EML4: variants seen among roughly 807,000 people sequenced by gnomAD.
The protein encoded by EML4 is echinoderm microtubule-associated protein-like 4.
In EML4, 72 loss-of-function variants were observed where a neutral mutation model predicts 129.0. That is an observed-to-expected ratio of 0.56 (90% confidence interval 0.46 to 0.68). The LOEUF (loss-of-function observed/expected upper bound fraction) is 0.68. EML4 is among the 30% of genes least tolerant of loss of function. EML4 has a pLI of 0.00. For synonymous variants in EML4, 532 were observed against 405.0 expected, an observed-to-expected ratio of 1.31 and a Z score of -3.77; for missense variants, 1,363 against 1,190.6, an observed-to-expected ratio of 1.14 and a Z score of -2.13.
At chr2:42,310,100 A>G (rs1174594634) in intron 17 of EML4, among the ~76,000 whole-genome samples, 3 of 152,166 alleles carry the variant, frequency 2.0e-5, no homozygotes, top group Non-Finnish European at 2.9e-5. Context: ...CTCTTTCTCC[A>G]TTGAATAGTA....
intron 11 of EML4, chr2:42,289,325 C>T (rs530781131): frequency 1.1e-4 from 17 of 152,150 alleles, no homozygotes; most frequent in Non-Finnish European, 2.4e-4. Flanking sequence ...CTGGCGATTT[C>T]TCGATCTCCT....
intron 1 of EML4, among the ~76,000 whole-genome samples, chr2:42,177,395 C>T (rs1250335698): frequency 2.0e-5 from 3 of 151,818 alleles, no homozygotes; most frequent in South Asian, 2.1e-4. Flanking sequence ...CTGAGGCGGG[C>T]GGCTCACTTG....
chr2:42,262,235 C>A (rs1453978583), intron 4 of EML4, among the ~76,000 whole-genome samples: 1 of 152,116 alleles, frequency 6.6e-6, no homozygotes, highest in Non-Finnish European at 1.5e-5. Context: ...AACCAAAATA[C>A]CCTTCACTTG....
intron 1 of EML4, among the ~76,000 whole-genome samples, chr2:42,188,069 T>A (rs923381925): frequency 7.9e-5 from 12 of 152,198 alleles, no homozygotes; most frequent in African/African-American, 2.9e-4. Flanking sequence ...CCAGCACAAT[T>A]GAACTAATCG....
Position 42,245,511 on chromosome 2 carries a change from G to C in EML4, c.32G>C (p.Ser11Thr), listed in dbSNP as rs1335891139. The change falls in exon 2 of 23, where the codon AGT becomes ACT. Residue 11 changes from serine (S) to threonine (T), a missense_variant. Ser to Thr is a moderately conservative substitution (Grantham distance 58). Coordinates refer to ENST00000318522, the MANE Select transcript of EML4 (RefSeq NM_019063.5). ...ATTTTATTTTATTTTATAGATGATA[G>C]TATTTCTGCTGCAAGTACTTCTGAT... is the stretch of plus-strand genomic sequence containing the variant. The part of the protein sequence containing the change: MDGFAGSLDD[S>T]ISAASTSDVQ... 1.2e-6 allele frequency: 2 copies of C among 1,608,376 alleles called. No homozygotes were observed. Among genetic ancestry groups the C allele is most frequent in the Non-Finnish European group, 8.5e-7 (1 of 1,176,258 alleles).
At position 42,303,245 on chromosome 2, in the gene EML4, T is replaced by C. The variant is rs542026200; in HGVS notation, c.1767+16T>C. The C allele has an allele frequency of 8.7e-6, 14 of 1,614,114 alleles. No individual in the cohort carries two copies. Among genetic ancestry groups the C allele is most frequent in the African/African-American group, 6.7e-5 (5 of 75,040 alleles). ...AGAAGTACAGGTAAGCTGTGTGATA[T>C]TAACCGTTAACTGAATATTTTTTAT... On this transcript the variant is annotated intron_variant, in intron 15 of 22. Transcript: ENST00000318522.
rs576312243 is a variant in EML4 at position 42,240,613 on chromosome 2, T to C, written c.26-4892T>C. Among the ~76,000 whole-genome samples, 23 of 152,340 alleles carry C rather than the reference T, an allele frequency of 1.5e-4. No homozygotes were observed. In the South Asian group the frequency reaches 4.6e-3, roughly 30 times the overall value. On this transcript the variant is annotated intron_variant, in intron 1 of 22. Transcript: ENST00000318522. The stretch of plus-strand genomic sequence containing the variant: ...TTTTAAATTATTCCATGATATTCTA[T>C]GGTATGGACATATTACAGCTTATTT...
intron 1 of EML4, among the ~76,000 whole-genome samples, chr2:42,215,741 G>A (rs530704891): frequency 2.0e-5 from 3 of 152,148 alleles, no homozygotes; most frequent in East Asian, 1.9e-4. Flanking sequence ...CTTAAAGGAC[G>A]GTTAGAAAAT....
intron 1 of EML4, among the ~76,000 whole-genome samples, chr2:42,181,050 G>C (rs540981528): frequency 6.6e-6 from 1 of 152,114 alleles, no homozygotes; most frequent in South Asian, 2.1e-4. Flanking sequence ...CTATTAGGTG[G>C]CACACAATTT....
At chr2:42,204,917 A>G (rs532394877) in intron 1 of EML4, among the ~76,000 whole-genome samples, 27 of 152,222 alleles carry the variant, frequency 1.8e-4, no homozygotes, top group Non-Finnish European at 3.4e-4. Flanking sequence ...CATGAATGCT[A>G]AGATTATGGG....
At chr2:42,278,523 G>A (rs1414531982) in intron 6 of EML4, among the ~76,000 whole-genome samples, 2 of 129,346 alleles carry the variant, frequency 1.5e-5, no homozygotes, top group Non-Finnish European at 3.1e-5. Flanking sequence ...GCGGTGAGCC[G>A]AGCTCATGCG....
intron 6 of EML4, among the ~76,000 whole-genome samples, chr2:42,271,192 C>G (rs75629743): frequency 0.047 from 7,119 of 152,296 alleles, 220 homozygotes; most frequent in South Asian, 0.14. Flanking sequence ...CTGTGCCTGG[C>G]TAGTTCTAAA....
intron 1 of EML4, among the ~76,000 whole-genome samples, chr2:42,229,529 A>G (rs2104181281): frequency 6.6e-6 from 1 of 152,296 alleles, no homozygotes; most frequent in South Asian, 2.1e-4. Context: ...CAAGACAGAT[A>G]ACTGTCTTGC....
intron 1 of EML4, among the ~76,000 whole-genome samples, chr2:42,232,059 T>A: frequency 6.6e-6 from 1 of 152,164 alleles, no homozygotes; most frequent in East Asian, 1.9e-4. Flanking sequence ...AGTACTCAAA[T>A]ATCTGGATGA....
chr2:42,327,970 C>G (rs1288309545), intron 21 of EML4, among the ~76,000 whole-genome samples: 1 of 152,120 alleles, frequency 6.6e-6, no homozygotes, highest in Admixed American at 6.6e-5. Context: ...CAAGTGCTAT[C>G]AAGACAGAGA....
At chr2:42,291,837 C>T (rs576026062) in intron 11 of EML4, among the ~76,000 whole-genome samples, 5 of 152,230 alleles carry the variant, frequency 3.3e-5, no homozygotes, top group South Asian at 2.1e-4. Flanking sequence ...AAAAGACTTC[C>T]GGCACTACAT....
At position 42,330,466 on chromosome 2, in the gene EML4, G is replaced by A. The variant is rs959347598; in HGVS notation, c.*259G>A. The A allele has an allele frequency of 1.4e-5, 8 of 556,192 alleles. No homozygotes were observed. Among genetic ancestry groups the A allele is most frequent in the African/African-American group, 1.3e-4 (7 of 53,386 alleles). 34.5% of individuals were successfully genotyped at this position (556,192 alleles called of 1,614,324 possible). A position where few individuals can be genotyped will look rare whatever the true frequency, so the allele number is the denominator to read the frequency against. On this transcript the variant is annotated 3_prime_UTR_variant, in exon 23 of 23. Transcript: ENST00000318522. ...TTAATGATGTCTCACAAATTACTGT[G>A]TACCTAAGTGGTGTGATGTAAATAC... is the stretch of plus-strand genomic sequence containing the variant.
intron 2 of EML4, among the ~76,000 whole-genome samples, chr2:42,249,539 G>A (rs912296116): frequency 5.3e-5 from 8 of 152,160 alleles, no homozygotes; most frequent in African/African-American, 1.9e-4. Flanking sequence ...GGTGATATGG[G>A]AAGGACATAA....
chr2:42,207,285 C>T (rs1218236139), intron 1 of EML4, among the ~76,000 whole-genome samples: 1 of 152,038 alleles, frequency 6.6e-6, no homozygotes, highest in African/African-American at 2.4e-5. Flanking sequence ...TATACACATA[C>T]AACCTCCAAA....
Sources: gnomAD v4.1 joint callset for allele counts (sites outside exome capture counted in the v4.1 genomes callset) on GRCh38, gnomAD v4.1.1 for gene constraint, MANE v1.5 for transcripts, NCBI Gene and HGNC (gene_info 2026-07-23, HGNC 2026-07-21) for gene names.